Variants in LSAMP observed in about 807,000 individuals in gnomAD.
The protein encoded by LSAMP is limbic system associated membrane protein.
In LSAMP, 7 loss-of-function variants were observed where a neutral mutation model predicts 38.6. The observed-to-expected ratio is 0.18, with a 90% confidence interval of 0.10 to 0.34. The LOEUF is 0.34. LSAMP is among the 10% of genes least tolerant of loss of function. The probability of loss-of-function intolerance (pLI) is 1.00; values close to 1 mark genes in which losing one functional copy is unlikely to be tolerated. For missense variants in LSAMP, 313 were observed against 420.0 expected (o/e 0.75, Z 2.23); for synonymous variants, 154 against 166.8 (o/e 0.92, Z 0.59).
intron 2 of LSAMP, among the ~76,000 whole-genome samples, chr3:116,057,579 G>A (rs964173689): frequency 6.6e-6 from 1 of 152,114 alleles, no homozygotes; most frequent in African/African-American, 2.4e-5. Flanking sequence ...GAAAAAAGAG[G>A]AAGAGAGAAG....
chr3:116,397,834 A>G (rs1360299234), intron 1 of LSAMP, among the ~76,000 whole-genome samples: 1 of 152,108 alleles, frequency 6.6e-6, no homozygotes, highest in African/African-American at 2.4e-5. Flanking sequence ...GGTAGGCTGT[A>G]GGCCAAGCTC....
intron 3 of LSAMP, among the ~76,000 whole-genome samples, chr3:115,954,407 A>G (rs1050415936): frequency 3.3e-5 from 5 of 152,212 alleles, no homozygotes; most frequent in African/African-American, 7.2e-5. Context: ...CTCTAGATAG[A>G]CAGGTACAGG....
At chr3:116,317,738 T>C (rs1187002635) in intron 1 of LSAMP, among the ~76,000 whole-genome samples, 2 of 152,082 alleles carry the variant, frequency 1.3e-5, no homozygotes, top group Non-Finnish European at 2.9e-5. Context: ...TGTTTTTAAT[T>C]AGTAGCAAGA....
intron 6 of LSAMP, chr3:115,816,759 A>C: frequency 2.1e-6 from 1 of 483,652 alleles, no homozygotes. Context: ...AGAGAAAAGG[A>C]GGAAAGAACA....
At chr3:115,830,254 C>T (rs912573340) in intron 6 of LSAMP, among the ~76,000 whole-genome samples, 5 of 152,210 alleles carry the variant, frequency 3.3e-5, no homozygotes, top group African/African-American at 9.6e-5. Context: ...GGGCATACAT[C>T]TCACTGTGCT....
chr3:116,149,652 C>G (rs1709566774), intron 1 of LSAMP, among the ~76,000 whole-genome samples: 1 of 151,896 alleles, frequency 6.6e-6, no homozygotes, highest in Non-Finnish European at 1.5e-5. Flanking sequence ...TCAGCGTTAT[C>G]TGAGAGGTGC....
intron 1 of LSAMP, among the ~76,000 whole-genome samples, chr3:116,114,674 T>C (rs956382229): frequency 1.3e-5 from 2 of 152,236 alleles, no homozygotes; most frequent in Non-Finnish European, 2.9e-5. Flanking sequence ...AACACAGTAG[T>C]ATTCTTAACA....
intron 1 of LSAMP, among the ~76,000 whole-genome samples, chr3:116,297,272 G>A (rs1040966707): frequency 6.6e-6 from 1 of 152,094 alleles, no homozygotes; most frequent in East Asian, 1.9e-4. Context: ...ATCTTCAAAA[G>A]GGGTCACTGA....
chr3:116,010,648 G>T (rs560932356), intron 3 of LSAMP, among the ~76,000 whole-genome samples: 1 of 152,304 alleles, frequency 6.6e-6, no homozygotes, highest in East Asian at 1.9e-4. Context: ...GATGCAAGTG[G>T]GATGGAAGCA....
chr3:115,828,490 C>T (rs572723651), intron 6 of LSAMP, among the ~76,000 whole-genome samples: 2 of 152,312 alleles, frequency 1.3e-5, no homozygotes, highest in Admixed American at 1.3e-4. Flanking sequence ...CAGTCGACTG[C>T]TATGCCCATG....
chr3:116,101,400 A>T (rs1708344511), intron 1 of LSAMP, among the ~76,000 whole-genome samples: 2 of 152,272 alleles, frequency 1.3e-5, no homozygotes, highest in Middle Eastern at 3.4e-3. Flanking sequence ...GTGAAACTAA[A>T]TTTTTTGTCA....
At chr3:116,144,912 G>T (rs1362228550) in intron 1 of LSAMP, among the ~76,000 whole-genome samples, 1 of 151,810 alleles carries the variant, frequency 6.6e-6, no homozygotes, top group Non-Finnish European at 1.5e-5. Flanking sequence ...AATATAGTTG[G>T]TTATAGAACT....
intron 3 of LSAMP, among the ~76,000 whole-genome samples, chr3:115,920,146 G>A (rs938590077): frequency 6.6e-6 from 1 of 152,086 alleles, no homozygotes; most frequent in Admixed American, 6.6e-5. Context: ...CAATAAACAT[G>A]GCAGTAGAGA....
chr3:116,250,475 G>A (rs1041134385), intron 1 of LSAMP, among the ~76,000 whole-genome samples: 2 of 152,000 alleles, frequency 1.3e-5, no homozygotes, highest in Admixed American at 1.3e-4. Flanking sequence ...AACCATTTCT[G>A]TATAGAAATT....
At chr3:115,834,420 T>TA in intron 6 of LSAMP, 2 of 624,994 alleles carry the variant, frequency 3.2e-6, no homozygotes, top group Non-Finnish European at 5.1e-6. Flanking sequence ...ATTGGCTTTT[T>TA]AAAAAAGGTT....
chr3:116,276,751 G>GA (rs1283249006), intron 1 of LSAMP, among the ~76,000 whole-genome samples: 2 of 151,584 alleles, frequency 1.3e-5, no homozygotes, highest in African/African-American at 2.4e-5. Context: ...AGTCTGCAAA[G>GA]AAAACCCATA....
At chr3:115,996,825 A>G (rs1939828659) in intron 3 of LSAMP, among the ~76,000 whole-genome samples, 1 of 152,186 alleles carries the variant, frequency 6.6e-6, no homozygotes, top group Non-Finnish European at 1.5e-5. Context: ...AACCAGGTCT[A>G]TTCAACCTCA....
intron 1 of LSAMP, among the ~76,000 whole-genome samples, chr3:116,380,703 T>G (rs1184484009): frequency 6.6e-6 from 1 of 152,230 alleles, no homozygotes; most frequent in East Asian, 1.9e-4. Flanking sequence ...CATTCTTCCA[T>G]ATGAATAGAT....
At chr3:116,283,920 T>C (rs1204984678) in intron 1 of LSAMP, among the ~76,000 whole-genome samples, 1 of 151,990 alleles carries the variant, frequency 6.6e-6, no homozygotes, top group Non-Finnish European at 1.5e-5. Flanking sequence ...GTAGAAGAAT[T>C]GCTTGAACCC....
Sources: allele counts gnomAD v4.1 joint callset (sites outside exome capture counted in the v4.1 genomes callset), GRCh38; gene constraint gnomAD v4.1.1; transcripts MANE v1.5; gene names NCBI Gene and HGNC (gene_info 2026-07-23, HGNC 2026-07-21).